PGM5: variants seen among roughly 807,000 people sequenced by gnomAD.
PGM5 encodes phosphoglucomutase 5, also known as phosphoglucomutase-like protein 5.
Under a neutral mutation model 59.2 loss-of-function variants are expected in PGM5, and 23 were observed. The ratio of observed to expected loss-of-function variants is 0.39; its 90% confidence interval spans 0.28 to 0.55. The LOEUF (loss-of-function observed/expected upper bound fraction) is 0.55. PGM5 is among the 20% of genes least tolerant of loss of function. The pLI is 0.66. For missense variants in PGM5, 574 were observed against 748.3 expected (o/e 0.77, Z 2.72); for synonymous variants, 214 against 286.0 (o/e 0.75, Z 2.54).
chr9:68,455,087 C>T (rs1307257076), intron 6 of PGM5, among the ~76,000 whole-genome samples: 1 of 152,184 alleles, frequency 6.6e-6, no homozygotes, highest in African/African-American at 2.4e-5. Flanking sequence ...CTCGTCTTCT[C>T]GGAACCATGC....
chr9:68,485,183 T>A (rs1824274941), intron 9 of PGM5, among the ~76,000 whole-genome samples: 1 of 152,200 alleles, frequency 6.6e-6, no homozygotes, highest in African/African-American at 2.4e-5. Flanking sequence ...GGATACCTTT[T>A]CCTTAGATTT....
intron 9 of PGM5, among the ~76,000 whole-genome samples, chr9:68,491,611 A>G (rs1034789349): frequency 1.1e-4 from 16 of 152,248 alleles, no homozygotes; most frequent in Non-Finnish European, 1.9e-4. Context: ...TTAAAAAAAT[A>G]ATTTCTACTA....
At chr9:68,438,395 A>C (rs1823473489) in intron 6 of PGM5, among the ~76,000 whole-genome samples, 1 of 152,074 alleles carries the variant, frequency 6.6e-6, no homozygotes, top group Admixed American at 6.5e-5. Context: ...GATGTGTATC[A>C]ACATTTCCTG....
rs916789937 is a variant in PGM5 at position 68,530,592 on chromosome 9, T to G, written c.*936T>G. On this transcript the variant is annotated 3_prime_UTR_variant, in exon 11 of 11. Coordinates refer to ENST00000396396, the MANE Select transcript of PGM5 (RefSeq NM_021965.4). ...CACTTGTTTGGACACATTTCTGATC[T>G]TATTTGTAAAGGCTGCAAAAGGAGA... is the stretch of plus-strand genomic sequence containing the variant. The G allele has an allele frequency of 3.3e-4, 50 of 152,350 alleles. No homozygotes were observed. Among genetic ancestry groups the G allele is most frequent in the African/African-American group, 1.1e-3 (45 of 41,570 alleles). The allele number at this position is 152,350 out of a possible 1,614,324, so 9.4% of individuals were successfully genotyped here.
intron 10 of PGM5, among the ~76,000 whole-genome samples, chr9:68,508,854 T>C (rs1554689189): frequency 6.6e-6 from 1 of 152,224 alleles, no homozygotes; most frequent in African/African-American, 2.4e-5. Flanking sequence ...TGGTGGTGAT[T>C]CAGGTTTTCT....
At chr9:68,465,315 A>C in intron 7 of PGM5, 107 bp downstream of exon 7, 1 of 734,482 alleles carries the variant, frequency 1.4e-6, no homozygotes, top group Non-Finnish European at 2.4e-6. Flanking sequence ...ACAGTTAAGT[A>C]GAGGCAAAAA....
intron 10 of PGM5, among the ~76,000 whole-genome samples, chr9:68,508,174 C>T (rs1445650820): frequency 6.6e-6 from 1 of 152,136 alleles, no homozygotes; most frequent in Non-Finnish European, 1.5e-5. Context: ...CATCTCAAAT[C>T]TCTCTTTGTG....
At chr9:68,518,374 A>C (rs1651839437) in intron 10 of PGM5, among the ~76,000 whole-genome samples, 1 of 152,374 alleles carries the variant, frequency 6.6e-6, no homozygotes, top group Non-Finnish European at 1.5e-5. Context: ...CCAAACAATA[A>C]AAGATTATAA....
chr9:68,509,981 A>C (rs1824720525), intron 10 of PGM5, among the ~76,000 whole-genome samples: 1 of 152,142 alleles, frequency 6.6e-6, no homozygotes, highest in African/African-American at 2.4e-5. Flanking sequence ...ATGTCAAAGC[A>C]TTAGAATAAA....
intron 6 of PGM5, among the ~76,000 whole-genome samples, chr9:68,428,087 G>T (rs1554682803): frequency 2.0e-5 from 3 of 152,186 alleles, no homozygotes; most frequent in African/African-American, 7.2e-5. Context: ...GCTATCCATT[G>T]TGGTACAACC....
chr9:68,369,965 T>C (rs190541354), intron 1 of PGM5, among the ~76,000 whole-genome samples: 17 of 152,264 alleles, frequency 1.1e-4, no homozygotes, highest in African/African-American at 3.9e-4. Flanking sequence ...TGTTTACCCA[T>C]GGACAACACT....
chr9:68,382,568 T>A (rs1822105073), intron 2 of PGM5, among the ~76,000 whole-genome samples: 1 of 151,840 alleles, frequency 6.6e-6, no homozygotes, highest in Non-Finnish European at 1.5e-5. Flanking sequence ...ATTTATTTTA[T>A]GCACTTTAAA....
chr9:68,439,587 A>G (rs1159390795), intron 6 of PGM5, among the ~76,000 whole-genome samples: 2 of 148,124 alleles, frequency 1.4e-5, no homozygotes, highest in Admixed American at 1.4e-4. Flanking sequence ...ATTACCCACA[A>G]CAGCTCAGAG....
intron 10 of PGM5, among the ~76,000 whole-genome samples, chr9:68,527,015 T>A (rs569862918): frequency 5.9e-5 from 9 of 152,236 alleles, no homozygotes; most frequent in Non-Finnish European, 1.2e-4. Flanking sequence ...TAGAAAGTGA[T>A]CTTTTGGTCA....
At chr9:68,385,830 T>G (rs1230739893) in intron 3 of PGM5, among the ~76,000 whole-genome samples, 1 of 152,066 alleles carries the variant, frequency 6.6e-6, no homozygotes, top group Non-Finnish European at 1.5e-5. Context: ...TGAATGAGTT[T>G]TCTAAAAATG....
intron 10 of PGM5, among the ~76,000 whole-genome samples, chr9:68,521,712 G>A (rs1824902081): frequency 6.6e-6 from 1 of 152,214 alleles, no homozygotes; most frequent in Non-Finnish European, 1.5e-5. Flanking sequence ...TTTGGTGGCA[G>A]AAGGTGAGGG....
intron 9 of PGM5, among the ~76,000 whole-genome samples, chr9:68,486,091 C>T (rs1824290355): frequency 6.6e-6 from 1 of 152,156 alleles, no homozygotes; most frequent in Non-Finnish European, 1.5e-5. Flanking sequence ...GCAAAATAAG[C>T]ATACTTTTCA....
chr9:68,399,306 T>C (rs1425913897), intron 6 of PGM5: 1 of 151,828 alleles, frequency 6.6e-6, no homozygotes, highest in East Asian at 1.9e-4. Flanking sequence ...TCAACACGTG[T>C]ATTCAGAAGC....
At chr9:68,479,624 T>G in intron 8 of PGM5, 71 bp downstream of exon 8, 4 of 1,520,010 alleles carry the variant, frequency 2.6e-6, no homozygotes, top group South Asian at 2.4e-5. Context: ...CTAAAACTGA[T>G]GGGCTAGAAC....
Sources: gnomAD v4.1 joint callset for allele counts (sites outside exome capture counted in the v4.1 genomes callset) on GRCh38, gnomAD v4.1.1 for gene constraint, MANE v1.5 for transcripts, NCBI Gene and HGNC (gene_info 2026-07-23, HGNC 2026-07-21) for gene names.